Variants in CDT1 observed in about 807,000 individuals in gnomAD.
CDT1 encodes DNA replication factor Cdt1.
In CDT1, 66 loss-of-function variants were observed where a neutral mutation model predicts 49.3. The ratio of observed to expected loss-of-function variants is 1.34; its 90% CI spans 1.10 to 1.64. The LOEUF is 1.64. Ranked by LOEUF, CDT1 falls within the 40% of genes most tolerant of loss-of-function variation. CDT1 has a pLI of 0.00. For synonymous variants in CDT1, 424 were observed against 347.4 expected (o/e 1.22, Z -2.45); for missense variants, 958 against 807.7 (o/e 1.19, Z -2.26).
chr16:88,808,268 A>G lies in CDT1; in HGVS notation c.1631A>G (p.Glu544Gly). Residue 544 changes from glutamate (E) to glycine (G), a missense_variant, in exon 10 of 10, where the codon GAG becomes GGG. Glu to Gly is a moderately conservative substitution (Grantham distance 98, BLOSUM62 -2). Coordinates refer to ENST00000301019, the MANE Select transcript of CDT1 (RefSeq NM_030928.4). ...ARLAHQTRAEEGL is the reference protein window; with the variant it reads ...ARLAHQTRAEGGL Reference sequence around the variant, plus strand: ...CTGGCCCACCAGACACGTGCTGAGGAGGGGCTGTGAGCCTGGGGGCCACTG... The same window carrying G: ...CTGGCCCACCAGACACGTGCTGAGGGGGGGCTGTGAGCCTGGGGGCCACTG... The G allele has an allele frequency of 1.3e-6, 2 of 1,589,164 alleles. No homozygotes were observed. The highest frequency in any genetic ancestry group is 1.1e-5 in the South Asian group (1 of 88,114).
Position 88,803,910 on chromosome 16 carries a change from T to G in CDT1, c.79T>G (p.Cys27Gly). ...PPRIAPPKLA[C>G]RTPSPARPAL... ...CCGCATCGCGCCGCCCAAGCTGGCCTGCCGCACCCCCAGCCCCGCCAGGCC... is the reference window on the plus strand; with the variant it reads ...CCGCATCGCGCCGCCCAAGCTGGCCGGCCGCACCCCCAGCCCCGCCAGGCC... The change falls in exon 1 of 10, where the codon TGC becomes GGC. Residue 27 changes from cysteine to glycine, a missense_variant. Coordinates refer to ENST00000301019, the MANE Select transcript of CDT1 (RefSeq NM_030928.4). The G allele has an allele frequency of 7.2e-7, 1 of 1,395,414 alleles. No homozygotes were observed. The highest frequency in any genetic ancestry group is 9.3e-7 in the Non-Finnish European group (1 of 1,070,724). 86.4% of individuals were successfully genotyped at this position (1,395,414 alleles called of 1,614,324 possible). A position where few individuals can be genotyped will look rare whatever the true frequency, so the allele number is the denominator to read the frequency against.
chr16:88,806,168 T>TG, intron 6 of CDT1, 47 bp downstream of exon 6: 1 of 1,451,554 alleles, frequency 6.9e-7, no homozygotes, highest in Non-Finnish European at 9.4e-7. Flanking sequence ...GCACCAGCAC[T>TG]GCCTCAGCAC....
chr16:88,805,345 G>A, intron 3 of CDT1, 95 bp from the exon 4 acceptor site: 2 of 1,413,986 alleles, frequency 1.4e-6, no homozygotes, highest in South Asian at 1.2e-5. Flanking sequence ...GGCATGGCAG[G>A]CCCCATCGGA....
Position 88,805,729 on chromosome 16 carries a change from T to C in CDT1, c.692T>C (p.Phe231Ser). The C allele has an allele frequency of 1.2e-6, 2 of 1,612,956 alleles. No individual in the cohort carries two copies. Among genetic ancestry groups the C allele is most frequent in the South Asian group, 1.1e-5 (1 of 91,084 alleles). The change falls in exon 5 of 10, where the codon TTT becomes TCT. Residue 231 changes from phenylalanine to serine, a missense_variant. Transcript: ENST00000301019. ...CCGCCCCCATCCTCCCATAGGCGTT[T>C]TGAGGAGTGCAATGTTGGCCAGATC... ...RGVQDMMRRR[F>S]EECNVGQIKT... is the part of the protein sequence containing the mutation.
intron 7 of CDT1, among the ~76,000 whole-genome samples, 180 bp from the exon 8 acceptor site, chr16:88,806,871 C>T (rs1908876483): frequency 6.6e-6 from 1 of 152,258 alleles, no homozygotes; most frequent in African/African-American, 2.4e-5. Flanking sequence ...GCCACTAGCC[C>T]CATGTGGGGA....
In CDT1 at chr16:88,808,943, C is replaced by T. The variant is rs1033441531; in HGVS notation, c.*665C>T. The T allele has an allele frequency of 9.8e-5, 16 of 164,050 alleles. No individual in the cohort carries two copies. The highest frequency in any genetic ancestry group is 1.6e-4 in the South Asian group (1 of 6,372). 10.2% of individuals were successfully genotyped at this position (164,050 alleles called of 1,614,324 possible). On this transcript the variant is annotated 3_prime_UTR_variant, in exon 10 of 10. Transcript: ENST00000301019. ...CCCAGGAGGCACAGCTTGCAGTGAG[C>T]GAAGATCGCACCACTGCACGCACTC...
rs1446661979 is a variant in CDT1, at chr16:88,808,252, C to G, written c.1615C>G (p.Gln539Glu). The G allele has an allele frequency of 6.3e-7, 1 of 1,599,118 alleles. No individual in the cohort carries two copies. The highest frequency in any genetic ancestry group is 2.3e-5 in the East Asian group (1 of 44,254). The stretch of plus-strand genomic sequence containing the variant: ...CCACATCACTGCACGCCTGGCCCAC[C>G]AGACACGTGCTGAGGAGGGGCTGTG... ...LAHITARLAHQTRAEEGL is the reference protein window; with the variant it reads ...LAHITARLAHETRAEEGL The change falls in exon 10 of 10, where the codon CAG becomes GAG. Residue 539 changes from glutamine to glutamate, a missense_variant. Coordinates refer to ENST00000301019, the MANE Select transcript of CDT1 (RefSeq NM_030928.4).
In CDT1 at chr16:88,803,968, G is replaced by A. The variant is rs1908748382; in HGVS notation, c.137G>A (p.Gly46Asp). The change falls in exon 1 of 10, where the codon GGC becomes GAC. Residue 46 changes from glycine (G) to aspartate (D), a missense_variant. Coordinates refer to ENST00000301019, the MANE Select transcript of CDT1 (RefSeq NM_030928.4). ...CGCGCCCCGGCCTCCGCTACCAGTGGCAGCCGCAAGCGCGCCCGCCCGCCC... is the reference window on the plus strand; with the variant it reads ...CGCGCCCCGGCCTCCGCTACCAGTGACAGCCGCAAGCGCGCCCGCCCGCCC... ...ALRAPASATS[G>D]SRKRARPPAA... The A allele has an allele frequency of 4.9e-6, 7 of 1,433,048 alleles. No individual in the cohort carries two copies. Among genetic ancestry groups the A allele is most frequent in the South Asian group, 2.7e-5 (2 of 73,594 alleles). The allele number at this position is 1,433,048 out of a possible 1,614,324, so 88.8% of individuals were successfully genotyped here. A position where few individuals can be genotyped will look rare whatever the true frequency, so the allele number is the denominator to read the frequency against.
chr16:88,805,861 T>C lies in CDT1; in HGVS notation c.824T>C (p.Leu275Pro), dbSNP rs1773203003. The change falls in exon 5 of 10, where the codon CTG (leucine) becomes CCG (proline). Residue 275 changes from leucine to proline, a missense_variant. Transcript: ENST00000301019. ...TACCAGCTCACCATCGAGCCACTGC[T>C]GGAGCAGGGTGAGTGCTGGGTGCGG... ...SDYQLTIEPL[L>P]EQEADGAAPQ... 1 of 1,613,040 alleles carries C rather than the reference T, an allele frequency of 6.2e-7. No homozygotes were observed. The highest frequency in any genetic ancestry group is 8.5e-7 in the Non-Finnish European group (1 of 1,179,954).
rs1157137598 is a variant in CDT1 at position 88,806,747 on chromosome 16, G to A, written c.1122+73G>A. The A allele has an allele frequency of 2.0e-6, 3 of 1,520,154 alleles. No individual in the cohort carries two copies. In the African/African-American group the frequency reaches 4.1e-5, roughly 21 times the overall value. 94.2% of individuals were successfully genotyped at this position (1,520,154 alleles called of 1,614,324 possible). A position where few individuals can be genotyped will look rare whatever the true frequency, so the allele number is the denominator to read the frequency against. On this transcript the variant is annotated intron_variant, in intron 7 of 9. Coordinates refer to ENST00000301019, the MANE Select transcript of CDT1 (RefSeq NM_030928.4). Reference sequence around the variant, plus strand: ...CAGCCTGACCCCAGGCTTAAGAGGTGGAAGCCTTGGTGATGAGCTTGACGC... The same window carrying A: ...CAGCCTGACCCCAGGCTTAAGAGGTAGAAGCCTTGGTGATGAGCTTGACGC...
intron 7 of CDT1, 29 bp from the exon 8 acceptor site, chr16:88,807,022 C>T: frequency 1.2e-6 from 2 of 1,612,726 alleles, no homozygotes; most frequent in Non-Finnish European, 1.7e-6. Context: ...ATCTTGTGAC[C>T]TCTCCAGTCC....
intron 1 of CDT1, 105 bp downstream of exon 1, chr16:88,804,164 A>G (rs1908756600): frequency 3.6e-6 from 2 of 561,132 alleles, no homozygotes; most frequent in Non-Finnish European, 5.2e-6. Context: ...GGGCGGGGAA[A>G]CAGGCGGGGG....
chr16:88,804,734 G>GGCACCGT, intron 2 of CDT1, 28 bp from the exon 3 acceptor site: 1 of 1,612,746 alleles, frequency 6.2e-7, no homozygotes, highest in Non-Finnish European at 8.5e-7. Flanking sequence ...CCTGCCTGAC[G>GGCACCGT]GCACCGTGTC....
Position 88,806,004 on chromosome 16 carries a change from C to T in CDT1, c.833-17C>T, listed in dbSNP as rs368423198. On this transcript the variant is annotated splice_polypyrimidine_tract_variant and intron_variant, in intron 5 of 9. Transcript: ENST00000301019. ...TGGGTGGCCTGGTGGGGACTTAGGC[C>T]TGGACTCGTCCCACAGAGGCTGACG... 1.1e-5 allele frequency: 17 copies of T among 1,583,162 alleles called. No individual in the cohort carries two copies. The highest frequency in any genetic ancestry group is 1.7e-4 in the Middle Eastern group (1 of 5,996).
At chr16:88,806,890 G>A (rs1285386003) in intron 7 of CDT1, among the ~76,000 whole-genome samples, 161 bp from the exon 8 acceptor site, 1 of 152,260 alleles carries the variant, frequency 6.6e-6, no homozygotes, top group Admixed American at 6.5e-5. Flanking sequence ...GAGTTGGCCT[G>A]GGCAGGCGAT....
At chr16:88,806,875 G>GT (rs1908876763) in intron 7 of CDT1, among the ~76,000 whole-genome samples, 176 bp from the exon 8 acceptor site, 1 of 152,266 alleles carries the variant, frequency 6.6e-6, no homozygotes, top group Non-Finnish European at 1.5e-5. Flanking sequence ...CTAGCCCCAT[G>GT]TGGGGAGTTG....
At position 88,807,371 on chromosome 16, in the gene CDT1, G is replaced by A. The variant is rs776599320; in HGVS notation, c.1366G>A (p.Glu456Lys). The A allele has an allele frequency of 3.1e-6, 5 of 1,612,532 alleles. No individual in the cohort carries two copies. Among genetic ancestry groups the A allele is most frequent in the Non-Finnish European group, 3.4e-6 (4 of 1,179,960 alleles). Residue 456 changes from glutamate to lysine, a missense_variant, in exon 9 of 10, where the codon GAG becomes AAG. Physicochemically the swap from Glu to Lys is moderately conservative, Grantham distance 56. Coordinates refer to ENST00000301019, the MANE Select transcript of CDT1 (RefSeq NM_030928.4). Reference protein sequence around the residue: ...QRLQRLERLPELARVLRSVFV... With the variant: ...QRLQRLERLPKLARVLRSVFV... ...GCTGCAGCGCTTAGAACGGCTGCCTGAGCTGGCCCGCGTGCTGCGGAGCGT... is the reference window on the plus strand; with the variant it reads ...GCTGCAGCGCTTAGAACGGCTGCCTAAGCTGGCCCGCGTGCTGCGGAGCGT...
chr16:88,804,070 TG>T lies in CDT1; in HGVS notation c.228+15del. ...CTGTCGGTGGACGAGGTGAGGGGCGTGGGGAGACTGAGGCCGGGGAGTTGGG... is the reference window on the plus strand; with the variant it reads ...CTGTCGGTGGACGAGGTGAGGGGCGTGGGAGACTGAGGCCGGGGAGTTGGG... On this transcript the variant is annotated intron_variant, in intron 1 of 9. Transcript: ENST00000301019. 7.2e-7 allele frequency: 1 copy of T among 1,381,756 alleles called. No homozygotes were observed. The highest frequency in any genetic ancestry group is 1.5e-5 in the South Asian group (1 of 67,880). 85.6% of individuals were successfully genotyped at this position (1,381,756 alleles called of 1,614,324 possible).
In CDT1 at chr16:88,807,303, AG is replaced by A. The variant is rs1205057324; in HGVS notation, c.1299del (p.Lys433AsnfsTer6). On this transcript the variant is annotated frameshift_variant, in exon 9 of 10. Transcript: ENST00000301019. LOFTEE classifies it high-confidence loss of function. The stretch of plus-strand genomic sequence containing the variant: ...CAGATCCGAGCCAAGGAGGCACAGA[AG>A]CAGCTGGCACAGATGACGCGGTGCC... ...LERIRAKEAQKQLAQMTRCPE... is the reference protein window; with the variant it reads ...LERIRAKEAQXQLAQMTRCPE... 1 of 1,612,416 alleles carries A rather than the reference AG, an allele frequency of 6.2e-7. No homozygotes were observed. Among genetic ancestry groups the A allele is most frequent in the Non-Finnish European group, 8.5e-7 (1 of 1,179,930 alleles).
Sources: gnomAD v4.1 joint callset for allele counts (sites outside exome capture counted in the v4.1 genomes callset) on GRCh38, gnomAD v4.1.1 for gene constraint, MANE v1.5 for transcripts, NCBI Gene and HGNC (gene_info 2026-07-23, HGNC 2026-07-21) for gene names.